The following BTBD10 variants were observed in gnomAD, a reference collection of about 807,000 sequenced individuals.
BTBD10 encodes the protein BTB/POZ domain-containing protein 10.
BTBD10 carries 21 observed loss-of-function variants against 53.2 expected under a neutral mutation model. That is an observed-to-expected ratio of 0.39 (90% CI 0.28 to 0.57). The LOEUF (loss-of-function observed/expected upper bound fraction) is 0.57. Among genes scored for constraint, BTBD10 ranks in the 20% least tolerant of loss-of-function variants. BTBD10 has a pLI of 0.53. For missense variants in BTBD10, 360 were observed against 594.7 expected, an observed-to-expected ratio of 0.61 and a Z score of 4.10; for synonymous variants, 149 against 192.7, an observed-to-expected ratio of 0.77 and a Z score of 1.88.
At chr11:13,397,078 A>C (rs567533966) in intron 8 of BTBD10, among the ~76,000 whole-genome samples, 131 of 152,288 alleles carry the variant, frequency 8.6e-4, no homozygotes, top group Non-Finnish European at 1.6e-3. Flanking sequence ...GAAAGATTCC[A>C]TCTTTTTCTA....
At chr11:13,412,458 C>T (rs762569881) in intron 6 of BTBD10, among the ~76,000 whole-genome samples, 9 of 151,872 alleles carry the variant, frequency 5.9e-5, no homozygotes, top group Non-Finnish European at 1.3e-4. Context: ...ATCTCAAAAA[C>T]AACAACAACA....
At chr11:13,419,384 T>C in intron 4 of BTBD10, 76 bp downstream of exon 4, 2 of 1,540,274 alleles carry the variant, frequency 1.3e-6, no homozygotes, top group Non-Finnish European at 8.7e-7. Flanking sequence ...AGAATTACTG[T>C]AAAACTTAAA....
intron 7 of BTBD10, 98 bp from the exon 8 acceptor site, chr11:13,403,376 A>C (rs182371496): frequency 8.5e-6 from 5 of 589,012 alleles, no homozygotes; most frequent in Non-Finnish European, 1.4e-5. Flanking sequence ...ACAGTCCTAA[A>C]AGCCCAAATA....
chr11:13,390,679 G>T (rs1186765903), intron 8 of BTBD10, among the ~76,000 whole-genome samples: 1 of 152,162 alleles, frequency 6.6e-6, no homozygotes, highest in Non-Finnish European at 1.5e-5. Flanking sequence ...AAGAGGCAAT[G>T]AGCTGATTTT....
chr11:13,405,219 C>G (rs4757154), intron 7 of BTBD10: 118,430 of 153,000 alleles, frequency 0.77, 46,599 homozygotes, highest in Middle Eastern at 0.88. Context: ...GGGTACCTTA[C>G]AACTTAAAGT....
intron 2 of BTBD10, among the ~76,000 whole-genome samples, chr11:13,428,590 C>T (rs951222321): frequency 1.3e-5 from 2 of 151,826 alleles, no homozygotes; most frequent in African/African-American, 2.4e-5. Context: ...AAAAATATTA[C>T]AAGAAAATAA....
At chr11:13,449,475 G>A (rs1169148274) in intron 1 of BTBD10, among the ~76,000 whole-genome samples, 1 of 150,434 alleles carries the variant, frequency 6.6e-6, no homozygotes, top group Non-Finnish European at 1.5e-5. Context: ...CTTTTTTCAA[G>A]TCCAAAAGAG....
At chr11:13,447,040 G>A (rs1281961844) in intron 1 of BTBD10, among the ~76,000 whole-genome samples, 3 of 152,152 alleles carry the variant, frequency 2.0e-5, no homozygotes, top group South Asian at 2.1e-4. Flanking sequence ...GGCAGATTCT[G>A]TAGAATGAGA....
chr11:13,453,517 G>A (rs1156795200), intron 1 of BTBD10, among the ~76,000 whole-genome samples: 1 of 152,128 alleles, frequency 6.6e-6, no homozygotes, highest in African/African-American at 2.4e-5. Context: ...AAAAGTGTTT[G>A]GAGGTGATAG....
intron 6 of BTBD10, among the ~76,000 whole-genome samples, chr11:13,406,412 C>G (rs978622417): frequency 6.6e-6 from 1 of 152,152 alleles, no homozygotes; most frequent in Admixed American, 6.5e-5. Flanking sequence ...CAGCCACAAA[C>G]TCACCTGCAC....
rs1399839941 is a variant in BTBD10, at chr11:13,415,168, C to T, written c.688-1518G>A. On this transcript the variant is annotated intron_variant, in intron 5 of 8. Transcript: ENST00000278174. ...TCACTTTGTTACCTAGGCTGGAGTG[C>T]AATGGTGTGATCTCAGCTCACTGCA... is the stretch of plus-strand genomic sequence containing the variant. Among the ~76,000 whole-genome samples, 7 of 138,328 alleles carry T rather than the reference C, an allele frequency of 5.1e-5. No individual in the cohort carries two copies. The East Asian group carries it at 1.5e-3, about 30-fold the overall frequency. The allele number at this position is 138,328 out of a possible 152,430, so 90.7% of individuals were successfully genotyped here.
intron 7 of BTBD10, 64 bp from the exon 8 acceptor site, chr11:13,403,342 T>C (rs1191163359): frequency 2.8e-5 from 26 of 936,704 alleles, no homozygotes; most frequent in Non-Finnish European, 3.6e-5. Flanking sequence ...AACTTAAATT[T>C]ATCTTGCTCA....
At chr11:13,442,363 A>T (rs1950671038) in intron 2 of BTBD10, among the ~76,000 whole-genome samples, 1 of 152,198 alleles carries the variant, frequency 6.6e-6, no homozygotes, top group Admixed American at 6.5e-5. Flanking sequence ...ATACCATAAT[A>T]AATTATGTAA....
chr11:13,443,251 A>G (rs1950693950), intron 2 of BTBD10, among the ~76,000 whole-genome samples: 3 of 148,082 alleles, frequency 2.0e-5, no homozygotes, highest in African/African-American at 7.4e-5. Flanking sequence ...ACCCATTTCA[A>G]AAAAAAAAAA....
At chr11:13,419,423 T>A (rs373478346) in intron 4 of BTBD10, 37 bp downstream of exon 4, 100 of 1,589,986 alleles carry the variant, frequency 6.3e-5, no homozygotes, top group Non-Finnish European at 7.5e-5. Flanking sequence ...AAAAGCACAT[T>A]ATAATTAGTA....
At chr11:13,427,201 A>AG (rs1165121373) in intron 2 of BTBD10, among the ~76,000 whole-genome samples, 1 of 151,118 alleles carries the variant, frequency 6.6e-6, no homozygotes, top group East Asian at 1.9e-4. Context: ...TGGGCAACAG[A>AG]GGGAGACCCT....
In BTBD10 at chr11:13,394,550, T is replaced by A. The variant is rs189277800; in HGVS notation, c.1118-5409A>T. Among the ~76,000 whole-genome samples the A allele has an allele frequency of 1.1e-3, 162 of 152,284 alleles. 2 individuals are homozygous for A. The highest frequency in any genetic ancestry group is 3.1e-3 in the Admixed American group (48 of 15,298). ...ACTTTCAGGTAGTTCTTTTTATTTT[T>A]TTATTATTATTATACTTTAAGTTTT... On this transcript the variant is annotated intron_variant, in intron 8 of 8. Coordinates refer to ENST00000278174, the MANE Select transcript of BTBD10 (RefSeq NM_032320.7).
intron 2 of BTBD10, among the ~76,000 whole-genome samples, chr11:13,426,827 C>A (rs1591138615): frequency 6.6e-6 from 1 of 152,174 alleles, no homozygotes; most frequent in Non-Finnish European, 1.5e-5. Flanking sequence ...GGAAAAGGAA[C>A]AAATGGGACA....
At chr11:13,426,972 G>T (rs1251484852) in intron 2 of BTBD10, among the ~76,000 whole-genome samples, 2 of 152,134 alleles carry the variant, frequency 1.3e-5, no homozygotes, top group African/African-American at 2.4e-5. Context: ...GGATATAAAA[G>T]CTAGATCCCC....
Sources: allele counts gnomAD v4.1 joint callset (sites outside exome capture counted in the v4.1 genomes callset), GRCh38; gene constraint gnomAD v4.1.1; transcripts MANE v1.5; gene names NCBI Gene and HGNC (gene_info 2026-07-23, HGNC 2026-07-21).